NUP54: variants seen among roughly 807,000 people sequenced by gnomAD.
NUP54 encodes nucleoporin p54.
In NUP54, 27 loss-of-function variants were observed where a neutral mutation model predicts 66.4. That is an observed-to-expected ratio of 0.41 (90% CI 0.30 to 0.56). NUP54 has a LOEUF of 0.56. Among genes scored for constraint, NUP54 ranks in the 20% least tolerant of loss-of-function variants. NUP54 has a pLI of 0.34. For synonymous variants in NUP54, 206 were observed against 210.7 expected, an observed-to-expected ratio of 0.98 and a Z score of 0.19; for missense variants, 486 against 596.3, an observed-to-expected ratio of 0.82 and a Z score of 1.93.
chr4:76,142,748 T>A (rs1578695194), intron 3 of NUP54, among the ~76,000 whole-genome samples: 2 of 152,168 alleles, frequency 1.3e-5, no homozygotes, highest in East Asian at 3.8e-4. Context: ...GGAGCCAACT[T>A]GAAAAGGCTT....
At chr4:76,137,015 G>T (rs930566364) in intron 3 of NUP54, among the ~76,000 whole-genome samples, 2 of 151,934 alleles carry the variant, frequency 1.3e-5, no homozygotes, top group African/African-American at 4.8e-5. Flanking sequence ...TTTGAGACAG[G>T]GTCTTACTTT....
At chr4:76,143,551 C>A (rs942799654) in intron 3 of NUP54, among the ~76,000 whole-genome samples, 1 of 152,152 alleles carries the variant, frequency 6.6e-6, no homozygotes, top group African/African-American at 2.4e-5. Context: ...TTGCAGTGAG[C>A]CGAGGTCGTG....
chr4:76,123,865 C>T (rs537622032), intron 9 of NUP54, among the ~76,000 whole-genome samples: 2 of 152,184 alleles, frequency 1.3e-5, no homozygotes, highest in Admixed American at 6.5e-5. Context: ...TGCCTCTTTT[C>T]CCACTACTAA....
chr4:76,124,557 T>G lies in NUP54; in HGVS notation c.1164+92A>C, dbSNP rs567639998. ...ATTTCACATTATTCTTTCATTTTAG[T>G]ATTTTTTTTTCTATTTTAAAAATCT... On this transcript the variant is annotated intron_variant, in intron 9 of 11. Coordinates refer to ENST00000264883, the MANE Select transcript of NUP54 (RefSeq NM_017426.4). 63 of 475,056 alleles carry G rather than the reference T, an allele frequency of 1.3e-4. 1 individual carries two copies. In the South Asian group the frequency reaches 1.9e-3, roughly 15 times the overall value. 29.4% of individuals were successfully genotyped at this position (475,056 alleles called of 1,614,324 possible). A position where few individuals can be genotyped will look rare whatever the true frequency, so the allele number is the denominator to read the frequency against.
chr4:76,145,160 T>C (rs1467787307), intron 1 of NUP54, among the ~76,000 whole-genome samples: 2 of 151,434 alleles, frequency 1.3e-5, no homozygotes, highest in Non-Finnish European at 2.9e-5. Flanking sequence ...CTACTAAAAA[T>C]ACAAAAAATT....
Position 76,129,758 on chromosome 4 carries a change from C to T in NUP54, c.1056+898G>A, listed in dbSNP as rs570010592. Among the ~76,000 whole-genome samples the T allele has an allele frequency of 1.9e-4, 28 of 148,508 alleles. 1 individual carries two copies. In the South Asian group the frequency reaches 3.9e-3, roughly 21 times the overall value. ...CAGGCGCCTGTAGTCCCAGCTACTC[C>T]GGAGGCTGAGGAAGGAGAATGGCGT... is the stretch of plus-strand genomic sequence containing the variant. On this transcript the variant is annotated intron_variant, in intron 8 of 11. Coordinates refer to ENST00000264883, the MANE Select transcript of NUP54 (RefSeq NM_017426.4).
intron 4 of NUP54, 46 bp downstream of exon 4, chr4:76,136,140 G>T: frequency 7.7e-7 from 1 of 1,302,332 alleles, no homozygotes; most frequent in Non-Finnish European, 1.1e-6. Flanking sequence ...TATATTTTCT[G>T]TTATACAAAA....
At chr4:76,140,286 T>G (rs1475153925) in intron 3 of NUP54, among the ~76,000 whole-genome samples, 1 of 65,376 alleles carries the variant, frequency 1.5e-5, no homozygotes, top group South Asian at 4.4e-4. Context: ...TTCTCTTTGG[T>G]TTTTTTTTTT....
At position 76,144,146 on chromosome 4, in the gene NUP54, T is replaced by C. The variant is rs770581559; in HGVS notation, c.295+3A>G. The C allele has an allele frequency of 6.2e-7, 1 of 1,611,338 alleles. No individual in the cohort carries two copies. Among genetic ancestry groups the C allele is most frequent in the African/African-American group, 1.3e-5 (1 of 74,600 alleles). ...TATTTGAAGCTGAAAACCTCATACT[T>C]ACTAGTTTGCTGCTGCTGCTGTGTA... On this transcript the variant is annotated splice_donor_region_variant and intron_variant, in intron 3 of 11. Coordinates refer to ENST00000264883, the MANE Select transcript of NUP54 (RefSeq NM_017426.4).
At chr4:76,144,513 TG>T in intron 1 of NUP54, 40 bp from the exon 2 acceptor site, 1 of 1,481,540 alleles carries the variant, frequency 6.7e-7, no homozygotes, top group African/African-American at 1.4e-5. Flanking sequence ...AAGAATCTTT[TG>T]TATATATAAA....
intron 3 of NUP54, among the ~76,000 whole-genome samples, chr4:76,139,247 AAGAT>A (rs1167637995): frequency 6.6e-6 from 1 of 152,194 alleles, no homozygotes; most frequent in African/African-American, 2.4e-5. Context: ...TTAAAGTAGT[AAGAT>A]AAAGATACGC....
chr4:76,125,667 A>G (rs1578672994), intron 8 of NUP54, among the ~76,000 whole-genome samples: 1 of 18,684 alleles, frequency 5.4e-5, no homozygotes, highest in Non-Finnish European at 9.4e-5. Context: ...AGAGAGGGGG[A>G]GAGAGGGAGA....
rs751596927 is a variant in NUP54, at chr4:76,131,243, G to A, written c.949C>T (p.Pro317Ser). 6.3e-7 allele frequency: 1 copy of A among 1,592,400 alleles called. No individual in the cohort carries two copies. The highest frequency in any genetic ancestry group is 1.7e-5 in the Admixed American group (1 of 58,138). The change falls in exon 7 of 12, where the codon CCT becomes TCT. Residue 317 changes from proline to serine, a missense_variant. Physicochemically the swap from Pro to Ser is moderately conservative, Grantham distance 74 (BLOSUM62 -1). Around this residue, in one of 4 missense-constraint regions of NUP54, gnomAD observed 217 missense variants for 247.9 expected, o/e 0.88. Transcript: ENST00000264883. Reference protein sequence around the residue: ...IIWEQAKVDNPDSEKLIPVPM... With the variant: ...IIWEQAKVDNSDSEKLIPVPM... ...AGACATACTTACTTTTCAGAATCAG[G>A]GTTATCTACCTTGGCCTGTTCCCAG...
At chr4:76,146,018 C>A in intron 1 of NUP54, 1 of 378,100 alleles carries the variant, frequency 2.6e-6, no homozygotes, top group Admixed American at 3.6e-5. Context: ...TTTCATTATT[C>A]TTCACTTCCA....
chr4:76,117,469 ATCTT>A (rs1729999480), intron 11 of NUP54, among the ~76,000 whole-genome samples, 191 bp downstream of exon 11: 1 of 152,164 alleles, frequency 6.6e-6, no homozygotes, highest in Non-Finnish European at 1.5e-5. Flanking sequence ...TCGTAATTCT[ATCTT>A]TAATTTTTTG....
rs932013590 is a variant in NUP54 at position 76,144,159 on chromosome 4, C to T, written c.285G>A (p.Gln95=). 4.3e-6 allele frequency: 7 copies of T among 1,610,584 alleles called. No homozygotes were observed. The highest frequency in any genetic ancestry group is 5.9e-6 in the Non-Finnish European group (7 of 1,178,424). The change falls in exon 3 of 12, where the codon CAG becomes CAA. Residue 95 remains glutamine, a synonymous_variant. Coordinates refer to ENST00000264883, the MANE Select transcript of NUP54 (RefSeq NM_017426.4). ...LGFGGFNTQQ[Q]QQTTLGGLFS... ...AAACCTCATACTTACTAGTTTGCTG[C>T]TGCTGCTGTGTATTAAATCCTCCAA...
At chr4:76,118,805 C>G (rs1370747751) in intron 9 of NUP54, among the ~76,000 whole-genome samples, 1 of 151,902 alleles carries the variant, frequency 6.6e-6, no homozygotes, top group Non-Finnish European at 1.5e-5. Flanking sequence ...GAGATTGAGA[C>G]CATCCTGGCT....
At chr4:76,125,852 G>GAGAGA (rs766135764) in intron 8 of NUP54, among the ~76,000 whole-genome samples, 1 of 88,176 alleles carries the variant, frequency 1.1e-5, no homozygotes, top group Non-Finnish European at 2.2e-5. Context: ...GAGGGAGAGA[G>GAGAGA]GGGGAGGGGG....
intron 3 of NUP54, among the ~76,000 whole-genome samples, chr4:76,141,874 G>T (rs960130267): frequency 6.7e-6 from 1 of 149,614 alleles, no homozygotes; most frequent in South Asian, 2.1e-4. Context: ...TGACCCTGAG[G>T]TCATTTATGC....
Sources: allele counts gnomAD v4.1 joint callset (sites outside exome capture counted in the v4.1 genomes callset), GRCh38; gene constraint gnomAD v4.1.1; regional missense constraint gnomAD v4.1.1; transcripts MANE v1.5; gene names NCBI Gene and HGNC (gene_info 2026-07-23, HGNC 2026-07-21).